Variants in PSD3 observed in about 807,000 individuals in gnomAD.
PSD3 encodes PH and SEC7 domain-containing protein 3.
A neutral mutation model predicts 105.5 loss-of-function variants in PSD3; 49 were observed. That is an observed-to-expected ratio of 0.46 (90% CI 0.37 to 0.59). PSD3 has a LOEUF of 0.59. Ranked by LOEUF, PSD3 falls within the 20% of genes least tolerant of loss-of-function variation. PSD3 has a pLI of 0.00. For synonymous variants in PSD3, 557 were observed against 457.8 expected (o/e 1.22, Z -2.77); for missense variants, 1,561 against 1,263.8 (o/e 1.24, Z -3.57).
chr8:18,926,408 T>G (rs1009086922), intron 2 of PSD3, among the ~76,000 whole-genome samples: 1 of 151,954 alleles, frequency 6.6e-6, no homozygotes, highest in African/African-American at 2.4e-5. Context: ...ATTATGTATA[T>G]GAAAATATTC....
intron 1 of PSD3, among the ~76,000 whole-genome samples, chr8:19,050,645 A>T (rs1023676646): frequency 1.3e-5 from 2 of 152,138 alleles, no homozygotes; most frequent in Non-Finnish European, 2.9e-5. Context: ...ATGAGAACAC[A>T]TGGACACAGG....
At chr8:18,582,220 C>T (rs1802865979) in intron 12 of PSD3, among the ~76,000 whole-genome samples, 1 of 152,202 alleles carries the variant, frequency 6.6e-6, no homozygotes, top group African/African-American at 2.4e-5. Context: ...TATGTCCTCT[C>T]TGCCTCTGCA....
At chr8:18,996,191 G>T (rs1459550274) in intron 1 of PSD3, among the ~76,000 whole-genome samples, 9 of 151,456 alleles carry the variant, frequency 5.9e-5, no homozygotes, top group Non-Finnish European at 1.3e-4. Flanking sequence ...TTTAATGCAT[G>T]CAATGAACAT....
chr8:19,017,965 T>G (rs1827230247), upstream of PSD3, among the ~76,000 whole-genome samples: 1 of 152,226 alleles, frequency 6.6e-6, no homozygotes, highest in Non-Finnish European at 1.5e-5. Flanking sequence ...TGTATAACTT[T>G]ATTTCCAATC....
chr8:18,955,791 C>CG (rs1038109931), intron 1 of PSD3, among the ~76,000 whole-genome samples: 84 of 142,356 alleles, frequency 5.9e-4, no homozygotes, highest in Admixed American at 4.0e-3. Flanking sequence ...ATTTTTAAGA[C>CG]GGAGTCTCAT....
At chr8:18,851,381 A>G (rs557717966) in intron 4 of PSD3, among the ~76,000 whole-genome samples, 4 of 152,304 alleles carry the variant, frequency 2.6e-5, no homozygotes, top group African/African-American at 9.6e-5. Context: ...CAATAGACCA[A>G]AGGGCCAACT....
At chr8:18,788,047 A>T (rs1055959942) in intron 8 of PSD3, among the ~76,000 whole-genome samples, 1 of 152,220 alleles carries the variant, frequency 6.6e-6, no homozygotes, top group Non-Finnish European at 1.5e-5. Flanking sequence ...GCTATTTACG[A>T]TAACACTGAT....
chr8:18,599,114 AAAG>A (rs1469430864), intron 12 of PSD3, among the ~76,000 whole-genome samples: 15 of 152,312 alleles, frequency 9.8e-5, no homozygotes, highest in African/African-American at 3.4e-4. Context: ...TCATACTGAA[AAAG>A]AAGAACAAAG....
intron 2 of PSD3, among the ~76,000 whole-genome samples, chr8:18,908,506 G>A (rs557211999): frequency 8.5e-5 from 13 of 152,236 alleles, no homozygotes; most frequent in African/African-American, 3.1e-4. Context: ...AAAAGCCTCT[G>A]ATTACCCCTT....
In PSD3 at chr8:18,655,869, G is replaced by C. The variant is rs200399755; in HGVS notation, c.2173-184C>G. 3.5e-4 allele frequency among the ~76,000 whole-genome samples: 54 copies of C among 152,216 alleles called. 1 individual carries two copies. The East Asian group carries it at 8.9e-3, about 25-fold the overall frequency. On this transcript the variant is annotated intron_variant, in intron 9 of 15. Coordinates refer to ENST00000327040, the MANE Select transcript of PSD3 (RefSeq NM_015310.4). ...AATGAGCATTGGGTGAACAACGAAC[G>C]TTTCATGAAACAAAGAAACTTTCAC...
chr8:19,039,508 T>A lies in PSD3; in HGVS notation c.324+44698A>T, dbSNP rs74610454. Among the ~76,000 whole-genome samples the A allele has an allele frequency of 3.3e-3, 507 of 152,300 alleles. 1 individual carries two copies. Among genetic ancestry groups the A allele is most frequent in the African/African-American group, 0.012 (488 of 41,558 alleles). The stretch of plus-strand genomic sequence containing the variant: ...ATGGAAAGAACACCAGCCAGGGAAC[T>A]CAGAAGACATGGACTCCAGTCCCTG... On this transcript the variant is annotated intron_variant, in intron 1 of 1. Transcript: ENST00000521475.
At chr8:18,769,309 C>T (rs189226831) in intron 8 of PSD3, among the ~76,000 whole-genome samples, 135 of 152,164 alleles carry the variant, frequency 8.9e-4, no homozygotes, top group Middle Eastern at 3.4e-3. Context: ...ATGTGATCTG[C>T]AAAATTCAAC....
At chr8:18,979,405 C>T (rs897450471) in intron 1 of PSD3, among the ~76,000 whole-genome samples, 1 of 152,236 alleles carries the variant, frequency 6.6e-6, no homozygotes, top group African/African-American at 2.4e-5. Context: ...CACATTCTTA[C>T]TCAACCAGAG....
rs187597385 is a variant in PSD3 at position 19,055,362 on chromosome 8, T to C, written c.324+28844A>G. ...TCCACCTCCCAGGTTCAAGTGATTGTCCTGCCTCAGCCTCCCACGTAGCTG... is the reference window on the plus strand; with the variant it reads ...TCCACCTCCCAGGTTCAAGTGATTGCCCTGCCTCAGCCTCCCACGTAGCTG... On this transcript the variant is annotated intron_variant, in intron 1 of 1. Coordinates refer to the PSD3 transcript ENST00000521475. 4.9e-3 allele frequency among the ~76,000 whole-genome samples: 748 copies of C among 151,784 alleles called. 1 individual carries two copies. The highest frequency in any genetic ancestry group is 7.1e-3 in the Non-Finnish European group (485 of 67,904).
At chr8:18,675,531 C>T (rs1401612179) in intron 9 of PSD3, among the ~76,000 whole-genome samples, 5 of 152,074 alleles carry the variant, frequency 3.3e-5, no homozygotes, top group Admixed American at 3.3e-4. Flanking sequence ...AATGGCATGT[C>T]ATAAGGGGAG....
chr8:18,611,439 A>G (rs1805257293), intron 11 of PSD3, among the ~76,000 whole-genome samples: 1 of 152,084 alleles, frequency 6.6e-6, no homozygotes, highest in South Asian at 2.1e-4. Flanking sequence ...TTTTAAGAGG[A>G]CACATTTTAG....
rs548843933 is a variant in PSD3 at position 19,030,569 on chromosome 8, A to G, written c.324+53637T>C. ...TTTCTCTCTTGCTCTTGCTTTCACT[A>G]TGTGACTTGTCCTCTCCCCCTTCAC... On this transcript the variant is annotated intron_variant, in intron 1 of 1. Transcript: ENST00000521475. Among the ~76,000 whole-genome samples, 19 of 152,202 alleles carry G rather than the reference A, an allele frequency of 1.2e-4. No homozygotes were observed. In the East Asian group the frequency reaches 3.5e-3, roughly 28 times the overall value.
chr8:18,764,650 T>C (rs1366717535), intron 9 of PSD3, among the ~76,000 whole-genome samples: 21 of 152,218 alleles, frequency 1.4e-4, no homozygotes, highest in Admixed American at 1.4e-3. Context: ...TATCATATCA[T>C]ACATTTCCAT....
chr8:18,920,387 C>G (rs1410266377), intron 2 of PSD3, among the ~76,000 whole-genome samples: 4 of 152,140 alleles, frequency 2.6e-5, no homozygotes, highest in Non-Finnish European at 4.4e-5. Flanking sequence ...GTTAGTCAGA[C>G]ACTTGCTTGT....
Sources: allele counts gnomAD v4.1 joint callset (sites outside exome capture counted in the v4.1 genomes callset), GRCh38; gene constraint gnomAD v4.1.1; transcripts MANE v1.5; gene names NCBI Gene and HGNC (gene_info 2026-07-23, HGNC 2026-07-21).